The following ZBTB6 variants were observed in gnomAD, a reference collection of about 807,000 sequenced individuals.
The protein encoded by ZBTB6 is zinc finger and BTB domain-containing protein 6.
A neutral mutation model predicts 30.6 loss-of-function variants in ZBTB6; 11 were observed. The ratio of observed to expected loss-of-function variants is 0.36; its 90% CI spans 0.23 to 0.60. The LOEUF (loss-of-function observed/expected upper bound fraction) is 0.60. Among genes scored for constraint, ZBTB6 ranks in the 20% least tolerant of loss-of-function variants. ZBTB6 has a pLI of 0.75. For missense variants in ZBTB6, 380 were observed against 489.4 expected, an observed-to-expected ratio of 0.78 and a Z score of 2.11; for synonymous variants, 174 against 172.0, an observed-to-expected ratio of 1.01 and a Z score of -0.09.
intron 1 of ZBTB6, among the ~76,000 whole-genome samples, 172 bp downstream of exon 1, chr9:122,913,079 G>A (rs1304547786): frequency 6.6e-6 from 1 of 152,246 alleles, no homozygotes; most frequent in African/African-American, 2.4e-5. Flanking sequence ...CCGGATGCCA[G>A]GTTCAGCACA....
intron 1 of ZBTB6, among the ~76,000 whole-genome samples, 198 bp downstream of exon 1, chr9:122,913,053 A>G (rs1832969634): frequency 6.6e-6 from 1 of 152,242 alleles, no homozygotes; most frequent in Admixed American, 6.5e-5. Context: ...CTCAGGGAAC[A>G]TCTGCTGAAC....
At position 122,911,411 on chromosome 9, in the gene ZBTB6, T is replaced by A. The variant is rs1191418030; in HGVS notation, c.662A>T (p.His221Leu). Residue 221 changes from histidine to leucine, a missense_variant, in exon 2 of 2, where the codon CAT becomes CTT. By Grantham distance (99) the His-to-Leu change is moderately conservative (BLOSUM62 -3). Transcript: ENST00000373659. The surrounding 1 kb of genome is among the most constrained non-coding windows in gnomAD (Gnocchi z 4.5). Reference sequence around the variant, plus strand: ...ACCAGCTGTACTGATGGATTCTACATGAAGGATACAAATTTCATTGTCTTT... The same window carrying A: ...ACCAGCTGTACTGATGGATTCTACAAGAAGGATACAAATTTCATTGTCTTT... ...GFKDNEICILHVESISTAGVE... is the reference protein window; with the variant it reads ...GFKDNEICILLVESISTAGVE... The A allele has an allele frequency of 3.7e-6, 6 of 1,614,174 alleles. No homozygotes were observed. Among genetic ancestry groups the A allele is most frequent in the African/African-American group, 1.3e-5 (1 of 75,048 alleles).
intron 1 of ZBTB6, 51 bp from the exon 2 acceptor site, chr9:122,912,132 T>C: frequency 6.5e-7 from 1 of 1,526,890 alleles, no homozygotes; most frequent in Non-Finnish European, 8.8e-7. Context: ...GGGAATGCTT[T>C]CCCATGCTGT....
rs1832937533 is a variant in ZBTB6 at position 122,910,106 on chromosome 9, ATTATTAAATCCGATTGT to A, written c.*675_*691del. The A allele has an allele frequency of 6.6e-6, 1 of 152,336 alleles. No individual in the cohort carries two copies. The highest frequency in any genetic ancestry group is 2.1e-4 in the South Asian group (1 of 4,832). 9.4% of individuals were successfully genotyped at this position (152,336 alleles called of 1,614,324 possible). On this transcript the variant is annotated 3_prime_UTR_variant, in exon 2 of 2. Transcript: ENST00000373659. Reference sequence around the variant, plus strand: ...ATGGTATAATTTTACTGGCCACAAAATTATTAAATCCGATTGTATTAAATAAAATCAAGAAACTCGGG... The same window carrying A: ...ATGGTATAATTTTACTGGCCACAAAAATTAAATAAAATCAAGAAACTCGGG...
At position 122,911,226 on chromosome 9, in the gene ZBTB6, T is replaced by C; in HGVS notation, c.847A>G (p.Ser283Gly). ...QGLFCENTEG[S>G]YGTVSEIQNL... ...TGAATCTCACTCACTGTACCATAAC[T>C]TCCTTCAGTATTCTCACAAAATAAG... The change falls in exon 2 of 2, where the codon AGT becomes GGT. Residue 283 changes from serine to glycine, a missense_variant. Ser to Gly is a moderately conservative substitution (Grantham distance 56). Coordinates refer to ENST00000373659, the MANE Select transcript of ZBTB6 (RefSeq NM_006626.6). This position sits in a 1 kb window ranked among gnomAD's most constrained non-coding sequence, Gnocchi z 4.5. 1 of 1,614,180 alleles carries C rather than the reference T, an allele frequency of 6.2e-7. No homozygotes were observed. The highest frequency in any genetic ancestry group is 8.5e-7 in the Non-Finnish European group (1 of 1,180,034).
In ZBTB6 at chr9:122,911,077, T is replaced by C. The variant is rs2131529615; in HGVS notation, c.996A>G (p.Gly332=). 1 of 1,614,230 alleles carries C rather than the reference T, an allele frequency of 6.2e-7. No homozygotes were observed. The highest frequency in any genetic ancestry group is 1.1e-5 in the South Asian group (1 of 91,088). Residue 332 remains glycine, a synonymous_variant, in exon 2 of 2, where the codon GGA becomes GGG. Coordinates refer to ENST00000373659, the MANE Select transcript of ZBTB6 (RefSeq NM_006626.6). The surrounding 1 kb of genome is among the most constrained non-coding windows in gnomAD (Gnocchi z 4.5). ...GATTTTTCTTCTGTGTAAATGTTTT[T>C]CCGCACTGTAAGCATAAGAATAGTT... is the stretch of plus-strand genomic sequence containing the variant. ...MHKLFLCLQC[G]KTFTQKKNLN...
At chr9:122,912,469 G>A (rs1045811956) in intron 1 of ZBTB6, among the ~76,000 whole-genome samples, 1 of 151,860 alleles carries the variant, frequency 6.6e-6, no homozygotes, top group Non-Finnish European at 1.5e-5. Flanking sequence ...CAACTTTAAC[G>A]TAATCTCCAA....
In ZBTB6 at chr9:122,910,774, T is replaced by C; in HGVS notation, c.*24A>G. 1.3e-6 allele frequency: 2 copies of C among 1,572,012 alleles called. No homozygotes were observed. Among genetic ancestry groups the C allele is most frequent in the Non-Finnish European group, 1.7e-6 (2 of 1,153,128 alleles). ...TTGCGTAATAGAATAATACAAACTT[T>C]ATATAACAAGTCTGTGATTATAATT... is the stretch of plus-strand genomic sequence containing the variant. On this transcript the variant is annotated 3_prime_UTR_variant, in exon 2 of 2. Transcript: ENST00000373659.
At chr9:122,912,823 A>G (rs1326291880) in intron 1 of ZBTB6, among the ~76,000 whole-genome samples, 1 of 152,200 alleles carries the variant, frequency 6.6e-6, no homozygotes, top group Non-Finnish European at 1.5e-5. Flanking sequence ...ATCATTACCC[A>G]GACAAAAAGA....
Position 122,911,373 on chromosome 9 carries a change from G to T in ZBTB6, c.700C>A (p.Gln234Lys). 1.9e-6 allele frequency: 3 copies of T among 1,614,050 alleles called. No homozygotes were observed. Among genetic ancestry groups the T allele is most frequent in the Non-Finnish European group, 2.5e-6 (3 of 1,180,024 alleles). The change falls in exon 2 of 2, where the codon CAG (glutamine) becomes AAG (lysine). Residue 234 changes from glutamine to lysine, a missense_variant. By Grantham distance (53) the Gln-to-Lys change is moderately conservative. Transcript: ENST00000373659. The surrounding 1 kb of genome is among the most constrained non-coding windows in gnomAD (Gnocchi z 4.5). ...SISTAGVENG[Q>K]FSQPCTSSKA... ...GAAGAGGTACAAGGCTGTGAAAACTGCCCATTTTCGACACCAGCTGTACTG... is the reference window on the plus strand; with the variant it reads ...GAAGAGGTACAAGGCTGTGAAAACTTCCCATTTTCGACACCAGCTGTACTG...
At position 122,909,889 on chromosome 9, in the gene ZBTB6, G is replaced by A. The variant is rs1287604520; in HGVS notation, c.*909C>T. 6.6e-6 allele frequency: 1 copy of A among 152,164 alleles called. No homozygotes were observed. Among genetic ancestry groups the A allele is most frequent in the African/African-American group, 2.4e-5 (1 of 41,424 alleles). The allele number at this position is 152,164 out of a possible 1,614,324, so 9.4% of individuals were successfully genotyped here. A position where few individuals can be genotyped will look rare whatever the true frequency, so the allele number is the denominator to read the frequency against. On this transcript the variant is annotated 3_prime_UTR_variant, in exon 2 of 2. Coordinates refer to ENST00000373659, the MANE Select transcript of ZBTB6 (RefSeq NM_006626.6). ...GCATAAGAGAGCTATTGGGAGTGAA[G>A]GAACTGTTCTGTACCGACTGCAGTA...
At position 122,908,251 on chromosome 9, in the gene ZBTB6, A is replaced by G. The variant is rs1456163120; in HGVS notation, c.*2547T>C. On this transcript the variant is annotated 3_prime_UTR_variant, in exon 2 of 2. Coordinates refer to ENST00000373659, the MANE Select transcript of ZBTB6 (RefSeq NM_006626.6). ...TCTGTCATATCAGAAACATAAACTA[A>G]ATGTGAATATGTTAAATGAATAAAT... The G allele has an allele frequency of 1.3e-5, 2 of 152,230 alleles. No homozygotes were observed. Among genetic ancestry groups the G allele is most frequent in the African/African-American group, 2.4e-5 (1 of 41,464 alleles). 9.4% of individuals were successfully genotyped at this position (152,230 alleles called of 1,614,324 possible).
chr9:122,908,889 TTCCC>T lies in ZBTB6; in HGVS notation c.*1905_*1908del, dbSNP rs1832927683. ...AGACACAAAACCGTCCTCTCTTGCT[TTCCC>T]CTCTTCTGTTCTCAGGAAGAATTAA... On this transcript the variant is annotated 3_prime_UTR_variant, in exon 2 of 2. Coordinates refer to ENST00000373659, the MANE Select transcript of ZBTB6 (RefSeq NM_006626.6). 3.3e-5 allele frequency: 5 copies of T among 152,234 alleles called. No homozygotes were observed. Among genetic ancestry groups the T allele is most frequent in the African/African-American group, 1.2e-4 (5 of 41,464 alleles). 9.4% of individuals were successfully genotyped at this position (152,234 alleles called of 1,614,324 possible).
At chr9:122,912,744 A>G (rs1319995249) in intron 1 of ZBTB6, among the ~76,000 whole-genome samples, 2 of 152,170 alleles carry the variant, frequency 1.3e-5, no homozygotes, top group Non-Finnish European at 2.9e-5. Flanking sequence ...GCTCTAACCC[A>G]TCTTTATGGC....
Position 122,910,569 on chromosome 9 carries a change from C to A in ZBTB6, c.*229G>T. 2.1e-6 allele frequency: 1 copy of A among 478,184 alleles called. No individual in the cohort carries two copies. The highest frequency in any genetic ancestry group is 3.7e-6 in the Non-Finnish European group (1 of 267,926). The allele number at this position is 478,184 out of a possible 1,614,324, so 29.6% of individuals were successfully genotyped here. ...GAGGAACACTATTTCTCTAGGGATA[C>A]TACTGAGACTTATATGTAAGGTATG... On this transcript the variant is annotated 3_prime_UTR_variant, in exon 2 of 2. Coordinates refer to ENST00000373659, the MANE Select transcript of ZBTB6 (RefSeq NM_006626.6).
In ZBTB6 at chr9:122,911,506, T is replaced by C. The variant is rs371215395; in HGVS notation, c.567A>G (p.Thr189=). ...KEEESNALQS[T]VESLTSERKE... ...TTCTCTCTGATGTCAGACTCTCTACTGTAGACTGCAAAGCATTGCTTTCCT... is the reference window on the plus strand; with the variant it reads ...TTCTCTCTGATGTCAGACTCTCTACCGTAGACTGCAAAGCATTGCTTTCCT... Residue 189 remains threonine, a synonymous_variant, in exon 2 of 2, where the codon ACA becomes ACG. Coordinates refer to ENST00000373659, the MANE Select transcript of ZBTB6 (RefSeq NM_006626.6). The surrounding 1 kb of genome is among the most constrained non-coding windows in gnomAD (Gnocchi z 4.5). The C allele has an allele frequency of 4.3e-6, 7 of 1,614,150 alleles. No individual in the cohort carries two copies. Among genetic ancestry groups the C allele is most frequent in the Admixed American group, 1.7e-5 (1 of 60,028 alleles).
chr9:122,911,878 T>C lies in ZBTB6; in HGVS notation c.195A>G (p.Thr65=). Residue 65 remains threonine, a synonymous_variant, in exon 2 of 2, where the codon ACA becomes ACG. Coordinates refer to ENST00000373659, the MANE Select transcript of ZBTB6 (RefSeq NM_006626.6). This position sits in a 1 kb window ranked among gnomAD's most constrained non-coding sequence, Gnocchi z 4.5. ...TGGTGATTCTGACATGTTTTGACTG[T>C]GTGAGTAAAAACTGATCTCTCATAA... ...STFMRDQFLL[T]QSKHVRITIL... The C allele has an allele frequency of 6.2e-7, 1 of 1,614,224 alleles. No homozygotes were observed. Among genetic ancestry groups the C allele is most frequent in the Middle Eastern group, 1.6e-4 (1 of 6,062 alleles).
rs758805977 is a variant in ZBTB6, at chr9:122,911,698, C to A, written c.375G>T (p.Lys125Asn). ...TCATAGAAAGATCAATTTCCAGATA[C>A]TTTGACAAAGCTTCTGTGCACTTTT... ...IVEKCTEALS[K>N]YLEIDLSMKN... Residue 125 changes from lysine to asparagine, a missense_variant, in exon 2 of 2, where the codon AAG becomes AAT. Lys to Asn is a moderately conservative substitution (Grantham distance 94, BLOSUM62 0). Coordinates refer to ENST00000373659, the MANE Select transcript of ZBTB6 (RefSeq NM_006626.6). The surrounding 1 kb of genome is among the most constrained non-coding windows in gnomAD (Gnocchi z 4.5). The A allele has an allele frequency of 3.1e-6, 5 of 1,614,032 alleles. No individual in the cohort carries two copies. The highest frequency in any genetic ancestry group is 4.2e-6 in the Non-Finnish European group (5 of 1,180,044).
rs1222375962 is a variant in ZBTB6 at position 122,910,001 on chromosome 9, AAT to A, written c.*795_*796del. Reference sequence around the variant, plus strand: ...TTACTTCATGTTAAATAAAAAATAAAATAGAGAGGAACTTTTAAAACAGTAGA... The same window carrying A: ...TTACTTCATGTTAAATAAAAAATAAAAGAGAGGAACTTTTAAAACAGTAGA... On this transcript the variant is annotated 3_prime_UTR_variant, in exon 2 of 2. Transcript: ENST00000373659. 6.6e-6 allele frequency: 1 copy of A among 152,196 alleles called. No homozygotes were observed. The highest frequency in any genetic ancestry group is 1.5e-5 in the Non-Finnish European group (1 of 68,036). The allele number at this position is 152,196 out of a possible 1,614,324, so 9.4% of individuals were successfully genotyped here.
Sources: allele counts gnomAD v4.1 joint callset (sites outside exome capture counted in the v4.1 genomes callset), GRCh38; gene constraint gnomAD v4.1.1; non-coding constraint Gnocchi (gnomAD v3.1); transcripts MANE v1.5; gene names NCBI Gene and HGNC (gene_info 2026-07-23, HGNC 2026-07-21).